The following ZZEF1 variants were observed in gnomAD, a reference collection of about 807,000 sequenced individuals.
The protein encoded by ZZEF1 is zinc finger ZZ-type and EF-hand domain-containing protein 1.
A neutral mutation model predicts 342.8 loss-of-function variants in ZZEF1; 157 were observed. The observed-to-expected ratio is 0.46, with a 90% CI of 0.40 to 0.52. The LOEUF (loss-of-function observed/expected upper bound fraction) is 0.52, where lower values mean the gene tolerates loss of function less well. Ranked by LOEUF, ZZEF1 falls within the 20% of genes least tolerant of loss-of-function variation. The probability of loss-of-function intolerance (pLI) is 0.00; values close to 1 mark genes in which losing one functional copy is unlikely to be tolerated. For synonymous variants in ZZEF1, 1,505 were observed against 1,429.1 expected, an observed-to-expected ratio of 1.05 and a Z score of -1.20; for missense variants, 3,480 against 3,725.6, an observed-to-expected ratio of 0.93 and a Z score of 1.72.
At chr17:4,053,831 G>A (rs1427805261) in intron 34 of ZZEF1, among the ~76,000 whole-genome samples, 1 of 152,212 alleles carries the variant, frequency 6.6e-6, no homozygotes, top group Non-Finnish European at 1.5e-5. Flanking sequence ...TGTTTATTAT[G>A]TGGCTACACC....
chr17:4,068,288 AT>A (rs1220526518), intron 26 of ZZEF1, among the ~76,000 whole-genome samples: 8 of 151,914 alleles, frequency 5.3e-5, no homozygotes, highest in Admixed American at 2.0e-4. Context: ...AAAAATAACA[AT>A]TTTTTTTGAG....
In ZZEF1 at chr17:4,016,106, G is replaced by T. The variant is rs2056093274; in HGVS notation, c.8145+217C>A. Among the ~76,000 whole-genome samples, 2 of 152,184 alleles carry T rather than the reference G, an allele frequency of 1.3e-5. No individual in the cohort carries two copies. The highest frequency in any genetic ancestry group is 4.1e-4 in the South Asian group (2 of 4,830). ...GGCCCATTTTCTTCTATTAAAACAA[G>T]AAAAGTCCGGAGAAGAGAAGACTTG... On this transcript the variant is annotated intron_variant, in intron 49 of 54. Coordinates refer to ENST00000381638, the MANE Select transcript of ZZEF1 (RefSeq NM_015113.4). This position sits in a 1 kb window ranked among gnomAD's most constrained non-coding sequence, Gnocchi z 4.4.
At chr17:4,098,139 G>A (rs1184285836) in intron 9 of ZZEF1, among the ~76,000 whole-genome samples, 6 of 151,108 alleles carry the variant, frequency 4.0e-5, no homozygotes, top group African/African-American at 1.5e-4. Flanking sequence ...TCAGGAGGAT[G>A]AGACAGGAGA....
At chr17:4,027,285 A>ATTTTTTTTTTT (rs2056429836) in intron 42 of ZZEF1, among the ~76,000 whole-genome samples, 1 of 53,264 alleles carries the variant, frequency 1.9e-5, no homozygotes, top group African/African-American at 1.4e-4. Context: ...GCAATATCTC[A>ATTTTTTTTTTT]CTTTTTTTTT....
chr17:4,080,490 C>T (rs1157355743), intron 18 of ZZEF1, among the ~76,000 whole-genome samples: 1 of 152,098 alleles, frequency 6.6e-6, no homozygotes, highest in Non-Finnish European at 1.5e-5. Context: ...CAGGCATGTG[C>T]CACCACGCCC....
At chr17:4,081,952 C>T (rs552790728) in intron 17 of ZZEF1, among the ~76,000 whole-genome samples, 3 of 152,282 alleles carry the variant, frequency 2.0e-5, no homozygotes, top group South Asian at 2.1e-4. Flanking sequence ...TGCAGGCAGT[C>T]GCTAAGGATA....
intron 29 of ZZEF1, among the ~76,000 whole-genome samples, chr17:4,064,070 G>C (rs544357732): frequency 1.1e-3 from 165 of 151,438 alleles, no homozygotes; most frequent in African/African-American, 3.6e-3. Context: ...TGGAGGGGGG[G>C]GGGTCTCACT....
At position 4,137,534 on chromosome 17, in the gene ZZEF1, C is replaced by T. The variant is rs190494682; in HGVS notation, c.354+5008G>A. On this transcript the variant is annotated intron_variant, in intron 1 of 54. Coordinates refer to ENST00000381638, the MANE Select transcript of ZZEF1 (RefSeq NM_015113.4). Reference sequence around the variant, plus strand: ...GGCTGAGGCAGGAGAATGGTGTGAACCTGGGAGGCGGAGCTTGCAGTGAGC... The same window carrying T: ...GGCTGAGGCAGGAGAATGGTGTGAATCTGGGAGGCGGAGCTTGCAGTGAGC... Among the ~76,000 whole-genome samples the T allele has an allele frequency of 6.2e-3, 938 of 152,264 alleles. 7 individuals are homozygous for T. The highest frequency in any genetic ancestry group is 9.4e-3 in the Non-Finnish European group (642 of 68,008).
intron 23 of ZZEF1, 116 bp from the exon 24 acceptor site, chr17:4,074,467 T>C (rs1454355770): frequency 1.9e-6 from 2 of 1,066,434 alleles, no homozygotes; most frequent in South Asian, 1.4e-5. Flanking sequence ...TATTTCCACA[T>C]GTCCAAAATG....
chr17:4,019,811 G>T, intron 45 of ZZEF1, 42 bp from the exon 46 acceptor site: 1 of 1,461,528 alleles, frequency 6.8e-7, no homozygotes, highest in Non-Finnish European at 9.4e-7. Context: ...CATTAACAGT[G>T]CTTCAATACG....
At chr17:4,033,744 T>TA (rs2056600292) in intron 40 of ZZEF1, 1 of 489,788 alleles carries the variant, frequency 2.0e-6, no homozygotes, top group Non-Finnish European at 3.7e-6. Flanking sequence ...GGCCCACACT[T>TA]ACCGCTCATT....
chr17:4,126,171 G>A (rs1406138237), intron 1 of ZZEF1, among the ~76,000 whole-genome samples: 3 of 149,764 alleles, frequency 2.0e-5, no homozygotes, highest in South Asian at 2.1e-4. Flanking sequence ...GCTGCAGTGC[G>A]CTGAGATCAC....
rs950806661 is a variant in ZZEF1, at chr17:4,047,798, G to A, written c.6015+1910C>T. Among the ~76,000 whole-genome samples the A allele has an allele frequency of 2.0e-5, 3 of 148,404 alleles. No individual in the cohort carries two copies. The Admixed American group carries it at 2.0e-4, about 10-fold the overall frequency. On this transcript the variant is annotated intron_variant, in intron 37 of 54. Coordinates refer to ENST00000381638, the MANE Select transcript of ZZEF1 (RefSeq NM_015113.4). ...CTACTAAAAATACAAAAAATTAGCTGGGCGTGGTGGTGGGCGCCTGTAGTC... is the reference window on the plus strand; with the variant it reads ...CTACTAAAAATACAAAAAATTAGCTAGGCGTGGTGGTGGGCGCCTGTAGTC...
At chr17:4,137,635 C>A (rs1228107224) in intron 1 of ZZEF1, among the ~76,000 whole-genome samples, 1 of 152,138 alleles carries the variant, frequency 6.6e-6, no homozygotes, top group African/African-American at 2.4e-5. Context: ...AATCTCCACT[C>A]ACCAAGGATC....
Position 4,059,274 on chromosome 17 carries a change from C to G in ZZEF1, c.4900G>C (p.Glu1634Gln). The change falls in exon 31 of 55, where the codon GAA becomes CAA. Residue 1634 changes from glutamate to glutamine, a missense_variant. Glu to Gln is a conservative substitution (Grantham distance 29, BLOSUM62 2). Transcript: ENST00000381638. ...TTGTGTAGATCAGCACCACAGCCTT[C>G]CAGGTGTCCAAAATAACTAGAAACA... is the stretch of plus-strand genomic sequence containing the variant. ...KDFTNYFGHLEGCGADLHKEI... is the reference protein window; with the variant it reads ...KDFTNYFGHLQGCGADLHKEI... 6.4e-7 allele frequency: 1 copy of G among 1,561,642 alleles called. No individual in the cohort carries two copies. Among genetic ancestry groups the G allele is most frequent in the Non-Finnish European group, 8.6e-7 (1 of 1,159,078 alleles).
At chr17:4,038,577 G>T (rs2056727631) in intron 39 of ZZEF1, among the ~76,000 whole-genome samples, 1 of 152,188 alleles carries the variant, frequency 6.6e-6, no homozygotes, top group South Asian at 2.1e-4. Flanking sequence ...GGCCGAGGTG[G>T]GTGGATCACT....
In ZZEF1 at chr17:4,008,853, G is replaced by C; in HGVS notation, c.8805+30C>G. On this transcript the variant is annotated intron_variant, in intron 54 of 54. Transcript: ENST00000381638. This position sits in a 1 kb window ranked among gnomAD's most constrained non-coding sequence, Gnocchi z 4.2. The stretch of plus-strand genomic sequence containing the variant: ...GTGAGATGGTGGCGCCCCAGCCTGG[G>C]GGCCAGCTCTGTTGGGGTGGAGAGA... 6.5e-7 allele frequency: 1 copy of C among 1,543,290 alleles called. No individual in the cohort carries two copies. The highest frequency in any genetic ancestry group is 1.2e-5 in the South Asian group (1 of 84,084).
intron 6 of ZZEF1, among the ~76,000 whole-genome samples, chr17:4,106,423 A>G (rs1462689771): frequency 6.6e-6 from 1 of 152,036 alleles, no homozygotes; most frequent in Non-Finnish European, 1.5e-5. Flanking sequence ...CCCAAGAGGC[A>G]GAGCAGCTTG....
intron 39 of ZZEF1, among the ~76,000 whole-genome samples, chr17:4,040,082 T>C (rs920179149): frequency 1.3e-5 from 2 of 152,216 alleles, no homozygotes; most frequent in African/African-American, 4.8e-5. Flanking sequence ...GTTGATATCA[T>C]GTTAATACTG....
Sources: allele counts gnomAD v4.1 joint callset (sites outside exome capture counted in the v4.1 genomes callset), GRCh38; gene constraint gnomAD v4.1.1; non-coding constraint Gnocchi (gnomAD v3.1); transcripts MANE v1.5; gene names NCBI Gene and HGNC (gene_info 2026-07-23, HGNC 2026-07-21).